Variants in SORCS1 observed in about 807,000 individuals in gnomAD.
SORCS1 encodes VPS10 domain-containing receptor SorCS1.
Under a neutral mutation model 146.1 loss-of-function variants are expected in SORCS1, and 60 were observed. The ratio of observed to expected loss-of-function variants is 0.41; its 90% CI spans 0.33 to 0.51. SORCS1 has a LOEUF of 0.51. Among genes scored for constraint, SORCS1 ranks in the 20% least tolerant of loss-of-function variants. The pLI is 0.21. For synonymous variants in SORCS1, 637 were observed against 584.0 expected (o/e 1.09, Z -1.31); for missense variants, 1,352 against 1,487.6 (o/e 0.91, Z 1.50).
In SORCS1 at chr10:106,575,869, T is replaced by C. The variant is rs146178625; in HGVS notation, c.*1551A>G. 7.2e-5 allele frequency: 11 copies of C among 152,768 alleles called. No individual in the cohort carries two copies. In the East Asian group the frequency reaches 2.1e-3, roughly 29 times the overall value. The allele number at this position is 152,768 out of a possible 1,614,324, so 9.5% of individuals were successfully genotyped here. On this transcript the variant is annotated 3_prime_UTR_variant, in exon 26 of 26. Transcript: ENST00000263054. ...AAATCAGTTTTATTTCACAAACATT[T>C]CTATTCTACTGTGAGAGTGGAAATA...
At chr10:106,698,437 T>C (rs1853875103) in intron 9 of SORCS1, among the ~76,000 whole-genome samples, 1 of 152,238 alleles carries the variant, frequency 6.6e-6, no homozygotes, top group African/African-American at 2.4e-5. Flanking sequence ...TGGCTTATTA[T>C]AACCTATTAT....
intron 1 of SORCS1, among the ~76,000 whole-genome samples, chr10:106,984,557 C>A (rs1331789946): frequency 5.3e-5 from 8 of 151,828 alleles, no homozygotes; most frequent in African/African-American, 1.9e-4. Flanking sequence ...CCACGCCCAG[C>A]TAATTTTTTG....
At chr10:106,823,584 A>G (rs1948157821) in intron 3 of SORCS1, among the ~76,000 whole-genome samples, 1 of 152,220 alleles carries the variant, frequency 6.6e-6, no homozygotes. Context: ...CGGCACGTTA[A>G]AGAATACATA....
At position 106,640,694 on chromosome 10, in the gene SORCS1, T is replaced by C. The variant is rs1849017678; in HGVS notation, c.2476-11306A>G. On this transcript the variant is annotated intron_variant, in intron 18 of 25. Transcript: ENST00000263054. Reference sequence around the variant, plus strand: ...CTTGCATTGGATTTCTCTGGGAAGCTGAGTTATTGTGTTGAAAGTCTATAG... The same window carrying C: ...CTTGCATTGGATTTCTCTGGGAAGCCGAGTTATTGTGTTGAAAGTCTATAG... Among the ~76,000 whole-genome samples, 2 of 152,214 alleles carry C rather than the reference T, an allele frequency of 1.3e-5. 1 individual carries two copies. The highest frequency in any genetic ancestry group is 4.1e-4 in the South Asian group (2 of 4,832).
At position 106,761,611 on chromosome 10, in the gene SORCS1, C is replaced by A. The variant is rs1859113708; in HGVS notation, c.936G>T (p.Gly312=). 6.2e-7 allele frequency: 1 copy of A among 1,614,118 alleles called. No individual in the cohort carries two copies. Among genetic ancestry groups the A allele is most frequent in the Non-Finnish European group, 8.5e-7 (1 of 1,179,996 alleles). Residue 312 remains glycine (G), a synonymous_variant, in exon 5 of 26, where the codon GGG becomes GGT. Transcript: ENST00000263054. Reference sequence around the variant, plus strand: ...ACCAGTAGAACCTGTTTGGTACAACCCCTTCTTGGATAAGCTGCCATCTTC... The same window carrying A: ...ACCAGTAGAACCTGTTTGGTACAACACCTTCTTGGATAAGCTGCCATCTTC... The part of the protein sequence containing the change: ...FGRRWQLIQE[G]VVPNRFYWSV...
At chr10:106,934,796 T>C (rs1022742402) in intron 2 of SORCS1, among the ~76,000 whole-genome samples, 4 of 152,104 alleles carry the variant, frequency 2.6e-5, no homozygotes, top group Admixed American at 6.5e-5. Flanking sequence ...TTATTTTCAG[T>C]GAAGTAACTC....
At chr10:107,012,222 G>T in intron 1 of SORCS1, among the ~76,000 whole-genome samples, 1 of 152,000 alleles carries the variant, frequency 6.6e-6, no homozygotes, top group East Asian at 1.9e-4. Flanking sequence ...AATAGCCTTG[G>T]GTATCAATCC....
chr10:106,626,740 GCA>G (rs1206679582), intron 19 of SORCS1, among the ~76,000 whole-genome samples: 2 of 152,166 alleles, frequency 1.3e-5, no homozygotes, highest in African/African-American at 4.8e-5. Flanking sequence ...TAGGAGGGAG[GCA>G]CTAACCAAAC....
Position 106,745,228 on chromosome 10 carries a change from A to G in SORCS1, c.960-15114T>C, listed in dbSNP as rs186907332. Among the ~76,000 whole-genome samples, 551 of 152,188 alleles carry G rather than the reference A, an allele frequency of 3.6e-3. 9 individuals are homozygous for G. The highest frequency in any genetic ancestry group is 0.013 in the African/African-American group (532 of 41,534). ...GGAGATCAAGACCATCCTGGCTAACATGGTGAAACCCCATCTCTACTAAAA... is the reference window on the plus strand; with the variant it reads ...GGAGATCAAGACCATCCTGGCTAACGTGGTGAAACCCCATCTCTACTAAAA... On this transcript the variant is annotated intron_variant, in intron 5 of 25. Coordinates refer to ENST00000263054, the MANE Select transcript of SORCS1 (RefSeq NM_052918.5).
At chr10:106,684,117 T>C (rs528817013) in intron 10 of SORCS1, among the ~76,000 whole-genome samples, 1 of 152,190 alleles carries the variant, frequency 6.6e-6, no homozygotes, top group East Asian at 1.9e-4. Context: ...AGGTGGATCA[T>C]GAGGTCAAGA....
At position 106,829,574 on chromosome 10, in the gene SORCS1, C is replaced by T; in HGVS notation, c.726G>A (p.Lys242=). ...YLYVCPTNKR[K]IMLLTDPEIE... The stretch of plus-strand genomic sequence containing the variant: ...AGCATGCTGAATATACATTTCTTAC[C>T]TTACGCTTGTTGGTAGGACACACAT... The change falls in exon 3 of 26, where the codon AAG becomes AAA. Residue 242 remains lysine (K), a splice_region_variant and synonymous_variant. Coordinates refer to ENST00000263054, the MANE Select transcript of SORCS1 (RefSeq NM_052918.5). 2 of 1,587,774 alleles carry T rather than the reference C, an allele frequency of 1.3e-6. No individual in the cohort carries two copies. The highest frequency in any genetic ancestry group is 1.7e-6 in the Non-Finnish European group (2 of 1,159,504).
At chr10:107,039,287 C>A (rs370804565) in intron 1 of SORCS1, among the ~76,000 whole-genome samples, 16 of 141,618 alleles carry the variant, frequency 1.1e-4, no homozygotes, top group African/African-American at 4.1e-4. Flanking sequence ...TAGATCGCGT[C>A]ACTGCACTCC....
chr10:107,138,975 T>C (rs982724157), intron 1 of SORCS1, among the ~76,000 whole-genome samples: 2 of 152,026 alleles, frequency 1.3e-5, no homozygotes, highest in African/African-American at 4.8e-5. Flanking sequence ...TAAGATGGAG[T>C]TTTGTGTGAG....
chr10:107,166,853 T>G (rs974819958), upstream of SORCS1, among the ~76,000 whole-genome samples: 1 of 152,232 alleles, frequency 6.6e-6, no homozygotes, highest in Non-Finnish European at 1.5e-5. Context: ...AAGAAGACAT[T>G]AGTGGATTCA....
At chr10:107,138,595 T>C (rs1041939478) in intron 1 of SORCS1, among the ~76,000 whole-genome samples, 10 of 152,222 alleles carry the variant, frequency 6.6e-5, no homozygotes, top group Non-Finnish European at 1.0e-4. Flanking sequence ...TTATTTCTCA[T>C]GTAGATTATT....
At chr10:106,775,392 C>T (rs1390595711) in intron 4 of SORCS1, among the ~76,000 whole-genome samples, 1 of 152,118 alleles carries the variant, frequency 6.6e-6, no homozygotes, top group African/African-American at 2.4e-5. Context: ...ATTGTAAATT[C>T]TTTCTATTTT....
intron 6 of SORCS1, 46 bp from the exon 7 acceptor site, chr10:106,709,387 T>G: frequency 1.2e-4 from 130 of 1,089,010 alleles, no homozygotes; most frequent in Non-Finnish European, 1.6e-4. Context: ...GAGGGGGATA[T>G]ACAGACAGAG....
At chr10:106,606,288 C>T (rs1439939671) in intron 23 of SORCS1, among the ~76,000 whole-genome samples, 4 of 49,832 alleles carry the variant, frequency 8.0e-5, no homozygotes, top group African/African-American at 1.4e-4. Flanking sequence ...CACACACACA[C>T]ACACACACAC....
chr10:106,708,970 A>G (rs1225561676), intron 7 of SORCS1, among the ~76,000 whole-genome samples: 1 of 152,188 alleles, frequency 6.6e-6, no homozygotes, highest in Non-Finnish European at 1.5e-5. Flanking sequence ...CGATGCCTTC[A>G]TGACCCCATG....
Sources: allele counts gnomAD v4.1 joint callset (sites outside exome capture counted in the v4.1 genomes callset), GRCh38; gene constraint gnomAD v4.1.1; transcripts MANE v1.5; gene names NCBI Gene and HGNC (gene_info 2026-07-23, HGNC 2026-07-21).